C3orf18: variants seen among roughly 807,000 people sequenced by gnomAD.
C3orf18 encodes uncharacterized protein C3orf18.
A neutral mutation model predicts 14.1 loss-of-function variants in C3orf18; 12 were observed. The observed-to-expected ratio is 0.85, with a 90% CI of 0.55 to 1.38. The LOEUF (loss-of-function observed/expected upper bound fraction) is 1.38. Among genes scored for constraint, C3orf18 ranks in the 40% most tolerant of loss-of-function variants. The pLI is 0.00. For synonymous variants in C3orf18, 82 were observed against 87.9 expected (o/e 0.93, Z 0.38); for missense variants, 196 against 213.9 (o/e 0.92, Z 0.52).
upstream of C3orf18, among the ~76,000 whole-genome samples, chr3:50,573,963 T>A (rs1293457561): frequency 6.6e-6 from 1 of 152,196 alleles, no homozygotes; most frequent in African/African-American, 2.4e-5. Flanking sequence ...CAGTGTTTTG[T>A]CTGTGATTGG....
chr3:50,573,687 A>AT (rs1250768395), upstream of C3orf18, among the ~76,000 whole-genome samples: 1 of 152,348 alleles, frequency 6.6e-6, no homozygotes, highest in African/African-American at 2.4e-5. Context: ...GTAAAGCCAC[A>AT]TCGGGGGATG....
chr3:50,561,883 T>G, intron 3 of C3orf18, 136 bp from the exon 4 acceptor site: 1 of 767,752 alleles, frequency 1.3e-6, no homozygotes, highest in Non-Finnish European at 2.2e-6. Flanking sequence ...CATACACCAC[T>G]CCCCCTTCAC....
chr3:50,563,850 AC>A lies in C3orf18; in HGVS notation c.234+1615del, dbSNP rs1311901119. The stretch of plus-strand genomic sequence containing the variant: ...AAGAGAGCGTTCTCAAGTTCCAAGG[AC>A]AAAACCTTTCACTGAAAGTAACGAG... On this transcript the variant is annotated intron_variant, in intron 3 of 5. Transcript: ENST00000357203. Among the ~76,000 whole-genome samples, 5 of 152,264 alleles carry A rather than the reference AC, an allele frequency of 3.3e-5. No individual in the cohort carries two copies. In the East Asian group the frequency reaches 9.6e-4, roughly 29 times the overall value.
intron 3 of C3orf18, 146 bp from the exon 4 acceptor site, chr3:50,561,893 C>T (rs963967172): frequency 1.2e-5 from 9 of 732,224 alleles, no homozygotes; most frequent in Non-Finnish European, 1.9e-5. Flanking sequence ...TCCCCCTTCA[C>T]CTTCATGCCT....
At chr3:50,569,286 A>G, upstream of C3orf18, 1 of 152,396 alleles carries the variant, frequency 6.6e-6, no homozygotes, top group South Asian at 2.1e-4. Flanking sequence ...CCGGGCCCCC[A>G]AGGGTCAACC....
chr3:50,568,153 G>T (rs1253899420), upstream of C3orf18, among the ~76,000 whole-genome samples: 1 of 152,196 alleles, frequency 6.6e-6, no homozygotes, highest in East Asian at 1.9e-4. Context: ...ACTCAGACGG[G>T]TCCTCTGGTG....
upstream of C3orf18, among the ~76,000 whole-genome samples, chr3:50,572,617 A>G (rs1269030770): frequency 6.6e-6 from 1 of 152,224 alleles, no homozygotes; most frequent in Non-Finnish European, 1.5e-5. Flanking sequence ...ACCTGGTATC[A>G]GCTGTGCAAC....
upstream of C3orf18, chr3:50,571,545 G>A (rs1471788149): frequency 8.2e-6 from 6 of 733,878 alleles, no homozygotes; most frequent in Non-Finnish European, 1.2e-5. Flanking sequence ...CTGGAAGCCT[G>A]GTGTTAGCTG....
upstream of C3orf18, among the ~76,000 whole-genome samples, chr3:50,568,004 A>C (rs1377335493): frequency 6.6e-6 from 1 of 152,262 alleles, no homozygotes; most frequent in Non-Finnish European, 1.5e-5. Context: ...GGACAGACTC[A>C]AGCCCCCAAA....
rs1700238971 is a variant in C3orf18, at chr3:50,565,535, G to T, written c.165C>A (p.Gly55=). Residue 55 remains glycine, a synonymous_variant, in exon 3 of 6, where the codon GGC becomes GGA. Coordinates refer to ENST00000357203, the MANE Select transcript of C3orf18 (RefSeq NM_016210.5). This position sits in a 1 kb window ranked among gnomAD's most constrained non-coding sequence, Gnocchi z 4.4. ...GAAGCATGGTACCCACGCCGGCCGT[G>T]CCACCAGCTGCATCAGGGATTCTGG... The part of the protein sequence containing the change: ...NDTRIPDAAG[G]TAGVGTMLLS... 1 of 1,613,928 alleles carries T rather than the reference G, an allele frequency of 6.2e-7. No homozygotes were observed. Among genetic ancestry groups the T allele is most frequent in the South Asian group, 1.1e-5 (1 of 91,062 alleles).
intron 3 of C3orf18, among the ~76,000 whole-genome samples, chr3:50,564,595 AC>A (rs946372991): frequency 6.6e-6 from 1 of 151,526 alleles, no homozygotes; most frequent in African/African-American, 2.4e-5. Context: ...TTCCCTTGGA[AC>A]CCTTGGTTTT....
At chr3:50,561,315 C>T (rs937144550) in intron 4 of C3orf18, among the ~76,000 whole-genome samples, 3 of 152,236 alleles carry the variant, frequency 2.0e-5, no homozygotes, top group Non-Finnish European at 4.4e-5. Flanking sequence ...TAGCTGTCAT[C>T]CATGGGCCCC....
chr3:50,572,648 C>T (rs1261236056), upstream of C3orf18, among the ~76,000 whole-genome samples: 1 of 152,222 alleles, frequency 6.6e-6, no homozygotes, highest in Non-Finnish European at 1.5e-5. Flanking sequence ...TCACTGCCCT[C>T]CTGCCATCTC....
upstream of C3orf18, chr3:50,571,574 G>A: frequency 1.2e-6 from 1 of 850,814 alleles, no homozygotes; most frequent in Non-Finnish European, 2.0e-6. Context: ...TAGGCAGGAT[G>A]CTGCCCCCTC....
At position 50,565,184 on chromosome 3, in the gene C3orf18, T is replaced by C. The variant is rs1029667009; in HGVS notation, c.234+282A>G. Reference sequence around the variant, plus strand: ...GAGTTCAAGACCAGCCTGGCTAACATAGCGAAACCCCATCTCTACTAAAAA... The same window carrying C: ...GAGTTCAAGACCAGCCTGGCTAACACAGCGAAACCCCATCTCTACTAAAAA... On this transcript the variant is annotated intron_variant, in intron 3 of 5. Coordinates refer to ENST00000357203, the MANE Select transcript of C3orf18 (RefSeq NM_016210.5). The surrounding 1 kb of genome is among the most constrained non-coding windows in gnomAD (Gnocchi z 4.4). Among the ~76,000 whole-genome samples, 1 of 152,036 alleles carries C rather than the reference T, an allele frequency of 6.6e-6. No homozygotes were observed. The highest frequency in any genetic ancestry group is 1.5e-5 in the Non-Finnish European group (1 of 67,998).
At chr3:50,569,351 G>C (rs1401073570), upstream of C3orf18, 3 of 152,322 alleles carry the variant, frequency 2.0e-5, no homozygotes, top group Non-Finnish European at 4.4e-5. Flanking sequence ...AGAGGGAGTG[G>C]AATTCACAGC....
upstream of C3orf18, among the ~76,000 whole-genome samples, chr3:50,568,822 C>A (rs1370193208): frequency 6.6e-6 from 1 of 151,860 alleles, no homozygotes; most frequent in Non-Finnish European, 1.5e-5. Context: ...TGACAAGACA[C>A]ACTTTGCGAG....
intron 5 of C3orf18, 113 bp downstream of exon 5, chr3:50,560,804 C>T: frequency 8.5e-7 from 1 of 1,174,010 alleles, no homozygotes. Flanking sequence ...ATACCCAATA[C>T]CTGCCATCTG....
intron 3 of C3orf18, among the ~76,000 whole-genome samples, chr3:50,562,787 A>G (rs1271262526): frequency 6.6e-6 from 1 of 152,174 alleles, no homozygotes; most frequent in African/African-American, 2.4e-5. Context: ...ACTCTGATGC[A>G]AGAGGAACCT....
Sources: gnomAD v4.1 joint callset for allele counts (sites outside exome capture counted in the v4.1 genomes callset) on GRCh38, gnomAD v4.1.1 for gene constraint, Gnocchi (gnomAD v3.1) non-coding constraint, MANE v1.5 for transcripts, NCBI Gene and HGNC (gene_info 2026-07-23, HGNC 2026-07-21) for gene names.